CRPPA: variants seen among roughly 807,000 people sequenced by gnomAD.
CRPPA encodes D-ribitol-5-phosphate cytidylyltransferase.
In CRPPA, 43 loss-of-function variants were observed where a neutral mutation model predicts 52.0. The observed-to-expected ratio is 0.83, with a 90% CI of 0.65 to 1.07. CRPPA has a LOEUF of 1.07. Ranked by LOEUF, CRPPA falls within the 50% of genes least tolerant of loss-of-function variation. The pLI is 0.00. For missense variants in CRPPA, 629 were observed against 551.7 expected (o/e 1.14, Z -1.40); for synonymous variants, 250 against 203.5 (o/e 1.23, Z -1.94).
chr7:16,295,304 A>G (rs1784648546), intron 5 of CRPPA, among the ~76,000 whole-genome samples: 1 of 152,092 alleles, frequency 6.6e-6, no homozygotes, highest in South Asian at 2.1e-4. Flanking sequence ...AATCAATTCA[A>G]TTTCCTTAAA....
At chr7:16,364,132 C>T (rs1786526774) in intron 3 of CRPPA, among the ~76,000 whole-genome samples, 2 of 152,208 alleles carry the variant, frequency 1.3e-5, no homozygotes, top group South Asian at 4.1e-4. Flanking sequence ...TATTGGAATA[C>T]AGCCTTTACA....
At position 16,284,260 on chromosome 7, in the gene CRPPA, A is replaced by C. The variant is rs60573082; in HGVS notation, c.836-6034T>G. On this transcript the variant is annotated intron_variant, in intron 5 of 9. Transcript: ENST00000407010. ...ATTTTCCAACTAGTACAATGATTTT[A>C]AGATTCATCCCTCAGTATAATAAAA... Among the ~76,000 whole-genome samples the C allele has an allele frequency of 2.8e-3, 431 of 152,202 alleles. 2 individuals are homozygous for C. Among genetic ancestry groups the C allele is most frequent in the African/African-American group, 0.01 (419 of 41,558 alleles).
chr7:16,258,989 A>G lies in CRPPA; in HGVS notation c.957T>C (p.Ala319=). 1.9e-6 allele frequency: 3 copies of G among 1,610,762 alleles called. No individual in the cohort carries two copies. Among genetic ancestry groups the G allele is most frequent in the Non-Finnish European group, 2.5e-6 (3 of 1,178,132 alleles). ...ELNHVKVTSE[A]LGHAGRHLQQ... ...GAAGATGTCTGCCAGCATGACCCAG[A>G]GCCTCAGATGTGACTTTTACATGCT... Residue 319 remains alanine, a synonymous_variant, in exon 7 of 10, where the codon GCT becomes GCC. Coordinates refer to ENST00000407010, the MANE Select transcript of CRPPA (RefSeq NM_001101426.4).
At chr7:16,377,024 T>C (rs1021922388) in intron 2 of CRPPA, among the ~76,000 whole-genome samples, 1 of 152,172 alleles carries the variant, frequency 6.6e-6, no homozygotes, top group Non-Finnish European at 1.5e-5. Context: ...AAACATCCTT[T>C]CTTCCACACA....
chr7:16,305,774 C>A (rs541382025), intron 4 of CRPPA, among the ~76,000 whole-genome samples: 11 of 152,106 alleles, frequency 7.2e-5, no homozygotes, highest in Admixed American at 7.2e-4. Context: ...CCCAGCTACT[C>A]GGGAGACTGA....
At chr7:16,107,088 C>A (rs1237673488) in intron 9 of CRPPA, among the ~76,000 whole-genome samples, 2 of 151,122 alleles carry the variant, frequency 1.3e-5, no homozygotes, top group African/African-American at 2.4e-5. Context: ...AAGAAGAACA[C>A]AAAAGAAGAA....
At chr7:16,202,826 T>C (rs1781889197) in intron 9 of CRPPA, among the ~76,000 whole-genome samples, 1 of 152,184 alleles carries the variant, frequency 6.6e-6, no homozygotes. Flanking sequence ...ACAGATATGG[T>C]AGAGTAGTAG....
In CRPPA at chr7:16,149,453, T is replaced by C. The variant is rs1194744059; in HGVS notation, c.1252-57654A>G. ...GACAGGAAACATGCATATGTCCTTT[T>C]CCTGCCATGACCATTAATTTCTCAT... is the stretch of plus-strand genomic sequence containing the variant. On this transcript the variant is annotated intron_variant, in intron 9 of 9. Transcript: ENST00000407010. Among the ~76,000 whole-genome samples the C allele has an allele frequency of 2.0e-5, 3 of 152,212 alleles. No homozygotes were observed. The East Asian group carries it at 5.8e-4, about 29-fold the overall frequency.
chr7:16,209,068 G>A, intron 9 of CRPPA: 1 of 401,410 alleles, frequency 2.5e-6, no homozygotes, highest in Non-Finnish European at 5.0e-6. Context: ...GTGGTGTTAT[G>A]ACAGATAGCA....
At chr7:16,349,711 A>C (rs1583539461) in intron 3 of CRPPA, among the ~76,000 whole-genome samples, 2 of 152,110 alleles carry the variant, frequency 1.3e-5, no homozygotes, top group Non-Finnish European at 2.9e-5. Context: ...ACACAACCTA[A>C]GGAGCAAAAG....
At chr7:16,148,852 G>T (rs937652692) in intron 9 of CRPPA, among the ~76,000 whole-genome samples, 1 of 152,102 alleles carries the variant, frequency 6.6e-6, no homozygotes, top group African/African-American at 2.4e-5. Flanking sequence ...ATAAAAGGCT[G>T]AGCTGATGGA....
chr7:16,108,910 T>C (rs1466841758), intron 9 of CRPPA, among the ~76,000 whole-genome samples: 1 of 151,366 alleles, frequency 6.6e-6, no homozygotes, highest in Non-Finnish European at 1.5e-5. Flanking sequence ...TTGCGACAAA[T>C]AGAAATGAGA....
intron 8 of CRPPA, among the ~76,000 whole-genome samples, chr7:16,219,531 T>C (rs1213700279): frequency 9.2e-6 from 1 of 108,254 alleles, no homozygotes; most frequent in Non-Finnish European, 1.9e-5. Context: ...ATCAACAAAA[T>C]TGATAGACCG....
intron 3 of CRPPA, among the ~76,000 whole-genome samples, chr7:16,311,084 A>G (rs1785024852): frequency 6.6e-6 from 1 of 152,094 alleles, no homozygotes; most frequent in Non-Finnish European, 1.5e-5. Context: ...ATTTCCATAT[A>G]CCCTCAAGCT....
At chr7:16,233,508 G>C (rs1233916849) in intron 8 of CRPPA, among the ~76,000 whole-genome samples, 1 of 152,120 alleles carries the variant, frequency 6.6e-6, no homozygotes, top group Non-Finnish European at 1.5e-5. Context: ...TCAAGAATTA[G>C]AGAATATATT....
At chr7:16,198,853 T>C (rs1439661850) in intron 9 of CRPPA, among the ~76,000 whole-genome samples, 1 of 152,008 alleles carries the variant, frequency 6.6e-6, no homozygotes, top group Non-Finnish European at 1.5e-5. Flanking sequence ...AATTCTTTCA[T>C]CTGAATTTTA....
chr7:16,281,266 C>T (rs1013629845), intron 5 of CRPPA, among the ~76,000 whole-genome samples: 2 of 151,852 alleles, frequency 1.3e-5, no homozygotes, highest in East Asian at 3.9e-4. Context: ...CCAGTGCAGA[C>T]CCCTTTCATC....
At chr7:16,144,185 C>T (rs111400311) in intron 9 of CRPPA, among the ~76,000 whole-genome samples, 34 of 152,284 alleles carry the variant, frequency 2.2e-4, no homozygotes, top group African/African-American at 7.7e-4. Flanking sequence ...ATGGAGCAGG[C>T]TCCAGCCCCA....
At chr7:16,335,712 T>C (rs1334705364) in intron 3 of CRPPA, among the ~76,000 whole-genome samples, 1 of 152,034 alleles carries the variant, frequency 6.6e-6, no homozygotes, top group Non-Finnish European at 1.5e-5. Context: ...GAAAGCATAT[T>C]TAAAGAAACA....
Sources: allele counts gnomAD v4.1 joint callset (sites outside exome capture counted in the v4.1 genomes callset), GRCh38; gene constraint gnomAD v4.1.1; transcripts MANE v1.5; gene names NCBI Gene and HGNC (gene_info 2026-07-23, HGNC 2026-07-21).